COL23A1: variants seen among roughly 807,000 people sequenced by gnomAD.
COL23A1 encodes collagen alpha-1(XXIII) chain.
COL23A1 carries 97 observed loss-of-function variants against 99.3 expected under a neutral mutation model. The observed-to-expected ratio is 0.98, with a 90% CI of 0.83 to 1.16. The LOEUF (loss-of-function observed/expected upper bound fraction) is 1.16. Among genes scored for constraint, COL23A1 ranks in the 50% most tolerant of loss-of-function variants. The probability of loss-of-function intolerance (pLI) is 0.00; values close to 1 mark genes in which losing one functional copy is unlikely to be tolerated. For synonymous variants in COL23A1, 320 were observed against 308.2 expected (o/e 1.04, Z -0.40); for missense variants, 762 against 757.4 (o/e 1.01, Z -0.07).
Position 178,449,404 on chromosome 5 carries a change from T to G in COL23A1, c.361+111278A>C, listed in dbSNP as rs1767357367. Among the ~76,000 whole-genome samples the G allele has an allele frequency of 2.0e-5, 3 of 152,292 alleles. No homozygotes were observed. In the South Asian group the frequency reaches 6.2e-4, roughly 32 times the overall value. ...ATTCGCCTTCTGGTCATGACTCTGA[T>G]AAGAGGTTTCTGGCTCAGAGCCGCT... On this transcript the variant is annotated intron_variant, in intron 2 of 28. Transcript: ENST00000390654.
At chr5:178,286,597 T>C (rs1360670925) in intron 5 of COL23A1, among the ~76,000 whole-genome samples, 1 of 152,134 alleles carries the variant, frequency 6.6e-6, no homozygotes, top group African/African-American at 2.4e-5. Context: ...TCACAGCGAG[T>C]GAGCTGCAGA....
intron 2 of COL23A1, among the ~76,000 whole-genome samples, chr5:178,560,416 C>A (rs1762496388): frequency 6.6e-6 from 1 of 152,128 alleles, no homozygotes; most frequent in South Asian, 2.1e-4. Context: ...TACTTCCCTA[C>A]CATCTAAATC....
chr5:178,427,065 T>C (rs539672811), intron 2 of COL23A1, among the ~76,000 whole-genome samples: 11 of 152,312 alleles, frequency 7.2e-5, no homozygotes, highest in African/African-American at 2.2e-4. Flanking sequence ...CCAGGCATGG[T>C]GGTGGGCACC....
chr5:178,462,784 G>C (rs999633264), intron 2 of COL23A1, among the ~76,000 whole-genome samples: 12 of 152,196 alleles, frequency 7.9e-5, no homozygotes, highest in Non-Finnish European at 1.6e-4. Flanking sequence ...TGTAGCAAAA[G>C]AACGTTTCCC....
At chr5:178,587,390 T>A (rs1177524564) in intron 1 of COL23A1, among the ~76,000 whole-genome samples, 1 of 152,206 alleles carries the variant, frequency 6.6e-6, no homozygotes, top group Non-Finnish European at 1.5e-5. Flanking sequence ...GAAAAAGTTA[T>A]TTCACAGTTC....
chr5:178,498,214 A>ATG (rs1562025351), intron 2 of COL23A1, among the ~76,000 whole-genome samples: 77 of 30,922 alleles, frequency 2.5e-3, no homozygotes, highest in Non-Finnish European at 3.6e-3. Flanking sequence ...AAATATATAT[A>ATG]TATATATATA....
intron 2 of COL23A1, among the ~76,000 whole-genome samples, chr5:178,405,767 G>GT (rs1764731253): frequency 6.6e-6 from 1 of 152,206 alleles, no homozygotes; most frequent in East Asian, 1.9e-4. Context: ...ACCACTAGGA[G>GT]TAATGGAAGA....
intron 2 of COL23A1, among the ~76,000 whole-genome samples, chr5:178,557,221 C>G (rs1371951436): frequency 6.6e-6 from 1 of 152,200 alleles, no homozygotes; most frequent in African/African-American, 2.4e-5. Flanking sequence ...GTCTCTGCCT[C>G]AAATCTCTCC....
At chr5:178,573,998 A>ACAGG (rs1261250721) in intron 1 of COL23A1, among the ~76,000 whole-genome samples, 2 of 152,100 alleles carry the variant, frequency 1.3e-5, no homozygotes, top group African/African-American at 4.8e-5. Context: ...AGCTGGGGGT[A>ACAGG]CAGGCGCCCA....
At chr5:178,414,276 G>A (rs1293690169) in intron 2 of COL23A1, among the ~76,000 whole-genome samples, 1 of 152,140 alleles carries the variant, frequency 6.6e-6, no homozygotes, top group Non-Finnish European at 1.5e-5. Context: ...ACCACCTGCT[G>A]GCAGATGATT....
intron 2 of COL23A1, among the ~76,000 whole-genome samples, chr5:178,425,201 T>A (rs533697962): frequency 2.8e-4 from 42 of 152,256 alleles, no homozygotes; most frequent in South Asian, 1.5e-3. Flanking sequence ...GGCAGGCAGA[T>A]CACCTGAGGT....
At position 178,415,708 on chromosome 5, in the gene COL23A1, C is replaced by T. The variant is rs1420802584; in HGVS notation, c.362-108789G>A. ...GACTGTCCCACGCCACATCTGTGCCCGAGCCCTGCTGCACAAGGGGATGCA... is the reference window on the plus strand; with the variant it reads ...GACTGTCCCACGCCACATCTGTGCCTGAGCCCTGCTGCACAAGGGGATGCA... On this transcript the variant is annotated intron_variant, in intron 2 of 28. Transcript: ENST00000390654. This position sits in a 1 kb window ranked among gnomAD's most constrained non-coding sequence, Gnocchi z 4.6. Among the ~76,000 whole-genome samples the T allele has an allele frequency of 2.6e-5, 4 of 152,190 alleles. No individual in the cohort carries two copies. The highest frequency in any genetic ancestry group is 4.4e-5 in the Non-Finnish European group (3 of 68,040).
chr5:178,522,128 T>C (rs1448404739), intron 2 of COL23A1, among the ~76,000 whole-genome samples: 1 of 152,196 alleles, frequency 6.6e-6, no homozygotes, highest in East Asian at 1.9e-4. Flanking sequence ...TTGTGCCATA[T>C]AAACATTAAA....
At chr5:178,509,010 G>A (rs1420897605) in intron 2 of COL23A1, among the ~76,000 whole-genome samples, 5 of 152,134 alleles carry the variant, frequency 3.3e-5, no homozygotes, top group Admixed American at 3.3e-4. Context: ...TGTTTCAGAT[G>A]CCAAAGTGAA....
chr5:178,306,508 A>G lies in COL23A1; in HGVS notation c.406+367T>C, dbSNP rs1447211230. On this transcript the variant is annotated intron_variant, in intron 3 of 28. Coordinates refer to ENST00000390654, the MANE Select transcript of COL23A1 (RefSeq NM_173465.4). This position sits in a 1 kb window ranked among gnomAD's most constrained non-coding sequence, Gnocchi z 4.1. ...CCACGTCTGGGGAGGGATGAAACCCACAGGAGAACCCGGTTGTGCTGAAGG... is the reference window on the plus strand; with the variant it reads ...CCACGTCTGGGGAGGGATGAAACCCGCAGGAGAACCCGGTTGTGCTGAAGG... Among the ~76,000 whole-genome samples the G allele has an allele frequency of 6.6e-6, 1 of 151,610 alleles. No individual in the cohort carries two copies. Among genetic ancestry groups the G allele is most frequent in the African/African-American group, 2.4e-5 (1 of 41,204 alleles).
rs1406434364 is a variant in COL23A1, at chr5:178,309,653, T to C, written c.362-2734A>G. Among the ~76,000 whole-genome samples the C allele has an allele frequency of 1.3e-5, 2 of 151,348 alleles. No homozygotes were observed. The highest frequency in any genetic ancestry group is 1.3e-4 in the Admixed American group (2 of 15,240). On this transcript the variant is annotated intron_variant, in intron 2 of 28. Transcript: ENST00000390654. This position sits in a 1 kb window ranked among gnomAD's most constrained non-coding sequence, Gnocchi z 4.7. ...ACTTCCCACGCGCCCCCTGCCTCCC[T>C]TGTTACTTACCTGCAGGTCCCAGCA...
At chr5:178,249,298 G>T in intron 18 of COL23A1, 92 bp from the exon 19 acceptor site, 1 of 1,256,684 alleles carries the variant, frequency 8.0e-7, no homozygotes, top group South Asian at 1.2e-5. Context: ...TCATGCTAGG[G>T]CCCCACTTTC....
chr5:178,552,625 CT>C (rs1201111223), intron 2 of COL23A1, among the ~76,000 whole-genome samples: 1 of 151,010 alleles, frequency 6.6e-6, no homozygotes, highest in Non-Finnish European at 1.5e-5. Flanking sequence ...AATCCCAGCA[CT>C]TTGGGAGGGG....
intron 2 of COL23A1, among the ~76,000 whole-genome samples, chr5:178,521,808 A>G (rs996267446): frequency 6.6e-6 from 1 of 152,222 alleles, no homozygotes; most frequent in Admixed American, 6.5e-5. Flanking sequence ...AGGCACAGTC[A>G]CAGAGACAAA....
Sources: gnomAD v4.1 joint callset for allele counts (sites outside exome capture counted in the v4.1 genomes callset) on GRCh38, gnomAD v4.1.1 for gene constraint, Gnocchi (gnomAD v3.1) non-coding constraint, MANE v1.5 for transcripts, NCBI Gene and HGNC (gene_info 2026-07-23, HGNC 2026-07-21) for gene names.